The following MXD3 variants were observed in gnomAD, a reference collection of about 807,000 sequenced individuals.
MXD3 encodes the protein Max-associated protein 3.
MXD3 carries 20 observed loss-of-function variants against 27.5 expected under a neutral mutation model. The ratio of observed to expected loss-of-function variants is 0.73; its 90% CI spans 0.51 to 1.06. MXD3 has a LOEUF of 1.06. Ranked by LOEUF, MXD3 falls within the 50% of genes least tolerant of loss-of-function variation. The pLI is 0.00. For missense variants in MXD3, 298 were observed against 291.3 expected (o/e 1.02, Z -0.17); for synonymous variants, 150 against 130.7 (o/e 1.15, Z -1.01).
downstream of MXD3, chr5:177,306,427 G>T: frequency 6.2e-7 from 1 of 1,614,040 alleles, no homozygotes; most frequent in African/African-American, 1.3e-5. Context: ...GACAGGCGAG[G>T]CCCCTTCCAA....
intron 2 of MXD3, chr5:177,310,901 G>A (rs1761018673): frequency 7.9e-6 from 5 of 633,194 alleles, no homozygotes; most frequent in African/African-American, 1.8e-5. Context: ...CTTAACAGAA[G>A]CCTGCCCAGG....
chr5:177,308,003 C>T (rs768721585), intron 4 of MXD3, 39 bp from the exon 5 acceptor site: 23 of 1,476,104 alleles, frequency 1.6e-5, no homozygotes, highest in South Asian at 1.3e-4. Flanking sequence ...GGGTCAGCGG[C>T]GTGGGGGCTT....
downstream of MXD3, chr5:177,306,543 G>A (rs1760881629): frequency 6.2e-7 from 1 of 1,609,776 alleles, no homozygotes; most frequent in East Asian, 2.2e-5. Flanking sequence ...CCACCAAGAA[G>A]CAGCAGCAGC....
Position 177,307,613 on chromosome 5 carries a change from G to A in MXD3, c.596C>T (p.Ser199Leu), listed in dbSNP as rs377026834. The change falls in exon 6 of 6, where the codon TCG (serine) becomes TTG (leucine). Residue 199 changes from serine to leucine, a missense_variant. Ser to Leu is a moderately radical substitution (Grantham distance 145, BLOSUM62 -2). Coordinates refer to ENST00000439742, the MANE Select transcript of MXD3 (RefSeq NM_031300.4). The part of the protein sequence containing the change: ...GFVAGQEHSY[S>L]HGGGAWL ...TCATAGCCAGGCGCCGCCGCCGTGC[G>A]AGTAGCTGTGCTCCTGGCCGGCGAC... The A allele has an allele frequency of 3.5e-5, 56 of 1,612,872 alleles. No individual in the cohort carries two copies. The highest frequency in any genetic ancestry group is 1.5e-4 in the South Asian group (14 of 91,070).
At chr5:177,311,146 C>G in intron 2 of MXD3, 1 of 522,980 alleles carries the variant, frequency 1.9e-6, no homozygotes, top group Non-Finnish European at 3.4e-6. Flanking sequence ...AAGCGGGACC[C>G]CAACTGCTGT....
downstream of MXD3, chr5:177,307,179 G>A (rs760802684): frequency 2.0e-4 from 310 of 1,550,168 alleles, no homozygotes; most frequent in Non-Finnish European, 2.4e-4. Context: ...GAGTTCCCCC[G>A]TTTTCATTAG....
At chr5:177,306,905 G>GT (rs879911904), downstream of MXD3, 35 of 767,370 alleles carry the variant, frequency 4.6e-5, no homozygotes, top group Middle Eastern at 3.7e-4. Flanking sequence ...ATGTGTCTCA[G>GT]TATCTAGCAC....
rs192785292 is a variant in MXD3, at chr5:177,307,361, C to G, written c.*227G>C. On this transcript the variant is annotated 3_prime_UTR_variant, in exon 6 of 6. Coordinates refer to ENST00000439742, the MANE Select transcript of MXD3 (RefSeq NM_031300.4). ...TGGGCTCGGGCCCAAGCTGCCTGCCCTGCAGGGGTCCAGGGAGGTCCTGAT... is the reference window on the plus strand; with the variant it reads ...TGGGCTCGGGCCCAAGCTGCCTGCCGTGCAGGGGTCCAGGGAGGTCCTGAT... 1 of 1,520,334 alleles carries G rather than the reference C, an allele frequency of 6.6e-7. No individual in the cohort carries two copies. Among genetic ancestry groups the G allele is most frequent in the South Asian group, 1.2e-5 (1 of 83,414 alleles). 94.2% of individuals were successfully genotyped at this position (1,520,334 alleles called of 1,614,324 possible).
At position 177,311,803 on chromosome 5, in the gene MXD3, C is replaced by T. The variant is rs766190590; in HGVS notation, c.28G>A (p.Val10Ile). Residue 10 changes from valine (V) to isoleucine (I), a missense_variant, in exon 1 of 6, where the codon GTC (valine) becomes ATC (isoleucine). Transcript: ENST00000439742. The part of the protein sequence containing the change: MEPLASNIQ[V>I]LLQAAEFLER... ...AGGAACTCGGCCGCCTGCAGCAGGA[C>T]CTGGATGTTGCTGGCCAAGGGTTCC... The T allele has an allele frequency of 1.2e-6, 2 of 1,613,070 alleles. No homozygotes were observed. The highest frequency in any genetic ancestry group is 1.1e-5 in the South Asian group (1 of 90,882).
At position 177,307,828 on chromosome 5, in the gene MXD3, C is replaced by T. The variant is rs748475261; in HGVS notation, c.458G>A (p.Ser153Asn). 6.2e-7 allele frequency: 1 copy of T among 1,612,262 alleles called. No individual in the cohort carries two copies. The highest frequency in any genetic ancestry group is 1.1e-5 in the South Asian group (1 of 91,058). Residue 153 changes from serine (S) to asparagine (N), a missense_variant, in exon 5 of 6, where the codon AGT becomes AAT. Coordinates refer to ENST00000439742, the MANE Select transcript of MXD3 (RefSeq NM_031300.4). The stretch of plus-strand genomic sequence containing the variant: ...AGAGGAGAGGCCTGAGGAGTCCAGA[C>T]TGTCCGCCCGCAGCCGCTCCCGCTC... The part of the protein sequence containing the change: ...AAERERLRAD[S>N]LDSSGLSSER...
At chr5:177,311,032 T>G in intron 2 of MXD3, 3 of 554,682 alleles carry the variant, frequency 5.4e-6, no homozygotes, top group East Asian at 3.0e-5. Context: ...GGCATTCAAA[T>G]AGGAGGGAAC....
downstream of MXD3, chr5:177,306,290 T>C (rs1760872091): frequency 6.4e-6 from 10 of 1,560,580 alleles, no homozygotes; most frequent in East Asian, 2.2e-5. Context: ...TTGTCTGTAC[T>C]GGGGGTGGGA....
At chr5:177,312,496 G>C (rs1034442718), upstream of MXD3, 2 of 985,352 alleles carry the variant, frequency 2.0e-6, no homozygotes, top group Non-Finnish European at 2.4e-6. Flanking sequence ...GCGGGGTTGA[G>C]AGGGGAGCTG....
upstream of MXD3, chr5:177,312,070 G>A: frequency 8.3e-7 from 1 of 1,204,184 alleles, no homozygotes; most frequent in Non-Finnish European, 1.0e-6. Context: ...TCCAGGGGCA[G>A]GTAAGGGCGC....
At chr5:177,307,115 A>C, downstream of MXD3, 1 of 1,505,102 alleles carries the variant, frequency 6.6e-7, no homozygotes, top group Non-Finnish European at 8.9e-7. Context: ...CACGGCCAAC[A>C]GTGTCAGTGA....
At chr5:177,308,938 A>G (rs1035676405) in intron 4 of MXD3, among the ~76,000 whole-genome samples, 2 of 152,176 alleles carry the variant, frequency 1.3e-5, no homozygotes, top group Non-Finnish European at 2.9e-5. Context: ...CGGAGCCCTC[A>G]GTGGGCAGAA....
chr5:177,308,897 C>T (rs1225535669), intron 4 of MXD3, among the ~76,000 whole-genome samples: 2 of 152,176 alleles, frequency 1.3e-5, no homozygotes, highest in Admixed American at 6.5e-5. Flanking sequence ...CCTGAAGTTC[C>T]AAGGACTGGA....
chr5:177,311,299 G>T, intron 2 of MXD3, 80 bp downstream of exon 2: 1 of 970,168 alleles, frequency 1.0e-6, no homozygotes. Context: ...AAAGATGCAA[G>T]CAACAAGTGG....
At position 177,311,843 on chromosome 5, in the gene MXD3, T is replaced by C. The variant is rs373337981; in HGVS notation, c.-13A>G. ...CCAAGGGTTCCATGTCGGCGACAGCTGGCGGCGGGCCGGCCTAGGGTGCCG... is the reference window on the plus strand; with the variant it reads ...CCAAGGGTTCCATGTCGGCGACAGCCGGCGGCGGGCCGGCCTAGGGTGCCG... On this transcript the variant is annotated 5_prime_UTR_variant, in exon 1 of 6. Transcript: ENST00000439742. The C allele has an allele frequency of 6.2e-5, 100 of 1,609,382 alleles. No individual in the cohort carries two copies. In the African/African-American group the frequency reaches 1.3e-3, roughly 20 times the overall value.
Sources: allele counts gnomAD v4.1 joint callset (sites outside exome capture counted in the v4.1 genomes callset), GRCh38; gene constraint gnomAD v4.1.1; transcripts MANE v1.5; gene names NCBI Gene and HGNC (gene_info 2026-07-23, HGNC 2026-07-21).